Variants in UGGT2 observed in about 807,000 individuals in gnomAD.
The protein encoded by UGGT2 is UDP-glucose glycoprotein glucosyltransferase 2, also known as UDP-glucose:glycoprotein glucosyltransferase 2.
Under a neutral mutation model 192.1 loss-of-function variants are expected in UGGT2, and 180 were observed. That is an observed-to-expected ratio of 0.94 (90% confidence interval 0.83 to 1.06). UGGT2 has a LOEUF of 1.06. Among genes scored for constraint, UGGT2 ranks in the 50% least tolerant of loss-of-function variants. UGGT2 has a pLI of 0.00. For synonymous variants in UGGT2, 580 were observed against 591.0 expected (o/e 0.98, Z 0.27); for missense variants, 1,849 against 1,795.7 (o/e 1.03, Z -0.54).
chr13:95,867,338 C>T lies in UGGT2; in HGVS notation c.3558+1G>A, dbSNP rs372521758. ...CTATAAAAAGTTCTGCCCCCACATA[C>T]TTTTACTTTGAGTATCTTGCTTTTG... On this transcript the variant is annotated splice_donor_variant, in intron 30 of 38. Coordinates refer to ENST00000376747, the MANE Select transcript of UGGT2 (RefSeq NM_020121.4). LOFTEE classifies it high-confidence loss of function. 100 of 1,604,716 alleles carry T rather than the reference C, an allele frequency of 6.2e-5. No individual in the cohort carries two copies. Among genetic ancestry groups the T allele is most frequent in the Non-Finnish European group, 8.2e-5 (96 of 1,176,518 alleles).
rs62620239 is a variant in UGGT2 at position 95,927,126 on chromosome 13, A to C, written c.2102T>G (p.Val701Gly). 3.6e-3 allele frequency: 5,825 copies of C among 1,607,556 alleles called. 21 individuals carry two copies. The highest frequency in any genetic ancestry group is 0.01 in the Middle Eastern group (62 of 5,910). The change falls in exon 19 of 39, where the codon GTA becomes GGA. Residue 701 changes from valine to glycine, a missense_variant and splice_region_variant. Physicochemically the swap from Val to Gly is moderately radical, Grantham distance 109. Coordinates refer to ENST00000376747, the MANE Select transcript of UGGT2 (RefSeq NM_020121.4). Reference protein sequence around the residue: ...QQYLNLISTSVTADVEDFSTF... With the variant: ...QQYLNLISTSGTADVEDFSTF... ...AGAGAAATCTTCAACATCAGCAGTT[A>C]CTGAAAAATTTCAAATTAAACGTTA... is the stretch of plus-strand genomic sequence containing the variant.
chr13:95,976,735 C>T (rs1399954328), intron 10 of UGGT2, among the ~76,000 whole-genome samples: 2 of 152,058 alleles, frequency 1.3e-5, no homozygotes, highest in Non-Finnish European at 2.9e-5. Context: ...GAAAAGAGCC[C>T]GTATAGCCAA....
At chr13:95,951,760 G>A (rs1011398541) in intron 12 of UGGT2, among the ~76,000 whole-genome samples, 1 of 152,144 alleles carries the variant, frequency 6.6e-6, no homozygotes, top group Admixed American at 6.5e-5. Context: ...CCAGCTTGGG[G>A]TTCATCAAAC....
chr13:95,877,090 GC>G, intron 29 of UGGT2, 188 bp downstream of exon 29: 1 of 439,698 alleles, frequency 2.3e-6, no homozygotes, highest in Non-Finnish European at 4.0e-6. Context: ...TGCCATGTTG[GC>G]CAGGCAGGTC....
intron 22 of UGGT2, among the ~76,000 whole-genome samples, chr13:95,898,769 C>G (rs2048020094): frequency 6.6e-6 from 1 of 152,110 alleles, no homozygotes; most frequent in Non-Finnish European, 1.5e-5. Flanking sequence ...TTTTGCCCCA[C>G]TGCCTTCTGC....
chr13:95,836,047 TTTTG>T (rs1012680446), intron 37 of UGGT2, among the ~76,000 whole-genome samples: 24 of 151,712 alleles, frequency 1.6e-4, no homozygotes, highest in East Asian at 5.8e-4. Flanking sequence ...AGCCCTTTTT[TTTTG>T]TTTGTTTGTT....
chr13:95,901,152 GT>G (rs2048094492), intron 21 of UGGT2, among the ~76,000 whole-genome samples: 1 of 151,946 alleles, frequency 6.6e-6, no homozygotes. Flanking sequence ...AGTTGATACA[GT>G]TTGCTATTCA....
chr13:95,998,309 T>C (rs2051691744), intron 6 of UGGT2, among the ~76,000 whole-genome samples: 1 of 152,220 alleles, frequency 6.6e-6, no homozygotes, highest in Non-Finnish European at 1.5e-5. Context: ...GAGAGTAAAT[T>C]ATAAAGCATT....
chr13:95,872,527 T>G (rs566708918), intron 29 of UGGT2, among the ~76,000 whole-genome samples: 4 of 152,214 alleles, frequency 2.6e-5, no homozygotes, highest in Non-Finnish European at 5.9e-5. Flanking sequence ...TTATATTTTA[T>G]ATTGACCTCG....
chr13:95,903,522 A>G lies in UGGT2; in HGVS notation c.2296-462T>C, dbSNP rs148172208. ...ACAACTTTGCTCTTCTTTATAGTTT[A>G]TCCCCTAAACTTGCACTGCTAAACA... On this transcript the variant is annotated intron_variant, in intron 20 of 38. Transcript: ENST00000376747. Among the ~76,000 whole-genome samples, 333 of 152,336 alleles carry G rather than the reference A, an allele frequency of 2.2e-3. 1 individual carries two copies. The highest frequency in any genetic ancestry group is 7.7e-3 in the African/African-American group (319 of 41,588).
chr13:95,806,011 C>A (rs1435788466), intron 38 of UGGT2, among the ~76,000 whole-genome samples: 19 of 87,712 alleles, frequency 2.2e-4, no homozygotes, highest in South Asian at 3.3e-4. Context: ...ACAGAGAGAA[C>A]AGAGATAAGG....
chr13:95,904,286 C>G (rs2048204460), intron 20 of UGGT2, among the ~76,000 whole-genome samples: 1 of 151,752 alleles, frequency 6.6e-6, no homozygotes. Context: ...AAAAGATAAT[C>G]TATATTATCT....
intron 9 of UGGT2, among the ~76,000 whole-genome samples, chr13:95,984,538 C>T (rs1000580725): frequency 2.0e-5 from 3 of 151,914 alleles, no homozygotes; most frequent in South Asian, 2.1e-4. Flanking sequence ...CTATGTTGCC[C>T]GGGTTGGTCT....
At chr13:95,940,897 T>C (rs2049656394) in intron 15 of UGGT2, among the ~76,000 whole-genome samples, 1 of 152,276 alleles carries the variant, frequency 6.6e-6, no homozygotes, top group African/African-American at 2.4e-5. Flanking sequence ...CAGGCCTTAC[T>C]AGTAAGTATT....
intron 38 of UGGT2, among the ~76,000 whole-genome samples, chr13:95,830,833 G>A (rs1886597527): frequency 6.6e-6 from 1 of 152,196 alleles, no homozygotes; most frequent in African/African-American, 2.4e-5. Context: ...GCACACATAT[G>A]TTTATTGCGG....
At chr13:95,856,700 A>T (rs1833042100) in intron 33 of UGGT2, 1 of 414,132 alleles carries the variant, frequency 2.4e-6, no homozygotes, top group African/African-American at 2.1e-5. Context: ...TACATATCAA[A>T]TAGTTCATGT....
intron 10 of UGGT2, chr13:95,983,577 G>T (rs777400232): frequency 4.9e-6 from 3 of 610,596 alleles, no homozygotes; most frequent in Non-Finnish European, 9.4e-6. Context: ...TACTACCTCG[G>T]AAGAAATTCT....
intron 36 of UGGT2, among the ~76,000 whole-genome samples, chr13:95,850,093 G>A (rs975977109): frequency 2.6e-5 from 4 of 151,842 alleles, no homozygotes; most frequent in African/African-American, 9.7e-5. Context: ...CTAGTTTCTA[G>A]GTAGAAGATG....
At chr13:96,023,538 C>A (rs751870605) in intron 3 of UGGT2, 91 bp downstream of exon 3, 1 of 1,337,362 alleles carries the variant, frequency 7.5e-7, no homozygotes, top group Non-Finnish European at 9.9e-7. Context: ...ACTTGTAGAT[C>A]ATTTTGAACT....
Sources: allele counts gnomAD v4.1 joint callset (sites outside exome capture counted in the v4.1 genomes callset), GRCh38; gene constraint gnomAD v4.1.1; transcripts MANE v1.5; gene names NCBI Gene and HGNC (gene_info 2026-07-23, HGNC 2026-07-21).